ZNF436: variants seen among roughly 807,000 people sequenced by gnomAD.
ZNF436 encodes the protein zinc finger protein 436.
A neutral mutation model predicts 41.9 loss-of-function variants in ZNF436; 22 were observed. The observed-to-expected ratio is 0.53, with a 90% CI of 0.38 to 0.75. The LOEUF (loss-of-function observed/expected upper bound fraction) is 0.75, where lower values mean the gene tolerates loss of function less well. Ranked by LOEUF, ZNF436 falls within the 30% of genes least tolerant of loss-of-function variation. The pLI is 0.00. For missense variants in ZNF436, 506 were observed against 587.3 expected (o/e 0.86, Z 1.43); for synonymous variants, 217 against 197.8 (o/e 1.10, Z -0.82).
chr1:23,362,080 G>A lies in ZNF436; in HGVS notation c.1302C>T (p.Ile434=). ...GKGFTQSSNL[I]THQRVHTGEK... is the part of the protein sequence containing the mutation. Reference sequence around the variant, plus strand: ...CTCCCGTGTGAACTCTTTGATGTGTGATGAGGTTGGAGCTCTGGGTGAAAC... The same window carrying A: ...CTCCCGTGTGAACTCTTTGATGTGTAATGAGGTTGGAGCTCTGGGTGAAAC... The change falls in exon 4 of 4, where the codon ATC becomes ATT. Residue 434 remains isoleucine, a synonymous_variant. Transcript: ENST00000314011. 6.2e-7 allele frequency: 1 copy of A among 1,614,020 alleles called. No individual in the cohort carries two copies. The highest frequency in any genetic ancestry group is 8.5e-7 in the Non-Finnish European group (1 of 1,179,998).
Position 23,362,251 on chromosome 1 carries a change from G to C in ZNF436, c.1131C>G (p.Leu377=), listed in dbSNP as rs772303164. 1.2e-6 allele frequency: 2 copies of C among 1,613,886 alleles called. No homozygotes were observed. Among genetic ancestry groups the C allele is most frequent in the South Asian group, 2.2e-5 (2 of 91,064 alleles). ...CAGTGTGAATTTTCTGGTGTGTGAT[G>C]AGATGAGAGCTCCGGCTGAAGCTTT... is the stretch of plus-strand genomic sequence containing the variant. ...CGKSFSRSSH[L]ITHQKIHTGE... The change falls in exon 4 of 4, where the codon CTC becomes CTG. Residue 377 remains leucine, a synonymous_variant. Coordinates refer to ENST00000314011, the MANE Select transcript of ZNF436 (RefSeq NM_001077195.2).
Position 23,362,294 on chromosome 1 carries a change from T to C in ZNF436, c.1088A>G (p.Glu363Gly). Reference sequence around the variant, plus strand: ...GAAGCTTTTCCCACAAGCATTGCATTCATATGGCTTCTCTCCAGTGTGAGT... The same window carrying C: ...GAAGCTTTTCCCACAAGCATTGCATCCATATGGCTTCTCTCCAGTGTGAGT... The part of the protein sequence containing the change: ...QRTHTGEKPY[E>G]CNACGKSFSR... The change falls in exon 4 of 4, where the codon GAA (glutamate) becomes GGA (glycine). Residue 363 changes from glutamate (E) to glycine (G), a missense_variant. Glu to Gly is a moderately conservative substitution (Grantham distance 98, BLOSUM62 -2). Transcript: ENST00000314011. The C allele has an allele frequency of 2.5e-6, 4 of 1,614,040 alleles. No individual in the cohort carries two copies. The Admixed American group carries it at 6.7e-5, about 27-fold the overall frequency.
Position 23,362,130 on chromosome 1 carries a change from A to G in ZNF436, c.1252T>C (p.Tyr418His). Residue 418 changes from tyrosine to histidine, a missense_variant, in exon 4 of 4, where the codon TAC becomes CAC. By Grantham distance (83) the Tyr-to-His change is moderately conservative (BLOSUM62 2). Around this residue, in one of 2 missense-constraint regions of ZNF436, gnomAD observed 278 missense variants for 372.1 expected, o/e 0.75. Transcript: ENST00000314011. ...HQRTHTGEKP[Y>H]ECVQCGKGFT... Reference sequence around the variant, plus strand: ...CCTTTCCCACACTGCACACACTCGTAGGGCTTCTCCCCTGTGTGGGTTCTC... The same window carrying G: ...CCTTTCCCACACTGCACACACTCGTGGGGCTTCTCCCCTGTGTGGGTTCTC... 6.2e-7 allele frequency: 1 copy of G among 1,614,120 alleles called. No individual in the cohort carries two copies. The highest frequency in any genetic ancestry group is 8.5e-7 in the Non-Finnish European group (1 of 1,180,008).
At position 23,369,409 on chromosome 1, in the gene ZNF436, C is replaced by G. The variant is rs1239001738; in HGVS notation, c.-104G>C. 1 of 534,596 alleles carries G rather than the reference C, an allele frequency of 1.9e-6. No homozygotes were observed. The highest frequency in any genetic ancestry group is 1.9e-5 in the African/African-American group (1 of 51,980). 33.1% of individuals were successfully genotyped at this position (534,596 alleles called of 1,614,324 possible). On this transcript the variant is annotated 5_prime_UTR_variant, in exon 1 of 4. Transcript: ENST00000314011. ...TCCACTAGATCGTCGTCTCCAAAACCTGAGAGACCGCGAACGGGTTCCAGA... is the reference window on the plus strand; with the variant it reads ...TCCACTAGATCGTCGTCTCCAAAACGTGAGAGACCGCGAACGGGTTCCAGA...
chr1:23,369,806 T>C lies in ZNF436; in HGVS notation c.-501A>G. On this transcript the variant is annotated 5_prime_UTR_variant, in exon 1 of 4. Transcript: ENST00000314011. ...GCAGGCATTCTGCGTGGGGAAGAGC[T>C]CCCAGCTCGCTGTAGCCTTGGAGAG... 3.0e-6 allele frequency: 1 copy of C among 330,280 alleles called. No individual in the cohort carries two copies. The highest frequency in any genetic ancestry group is 6.4e-6 in the Non-Finnish European group (1 of 155,610). 20.5% of individuals were successfully genotyped at this position (330,280 alleles called of 1,614,324 possible).
At chr1:23,365,489 G>A (rs1290663163) in intron 3 of ZNF436, among the ~76,000 whole-genome samples, 1 of 151,872 alleles carries the variant, frequency 6.6e-6, no homozygotes, top group East Asian at 1.9e-4. Context: ...CGAGGTGGGC[G>A]GATCACTTGA....
chr1:23,359,753 C>G lies in ZNF436; in HGVS notation c.*2216G>C, dbSNP rs13523. 6.6e-6 allele frequency: 1 copy of G among 152,540 alleles called. No individual in the cohort carries two copies. The highest frequency in any genetic ancestry group is 1.5e-5 in the Non-Finnish European group (1 of 68,056). The allele number at this position is 152,540 out of a possible 1,614,324, so 9.4% of individuals were successfully genotyped here. A position where few individuals can be genotyped will look rare whatever the true frequency, so the allele number is the denominator to read the frequency against. ...GAGACAGCTGGTGTGGCCCTTGTCC[C>G]TTAAGTTTCCCAGCTAGATTGTTCA... On this transcript the variant is annotated 3_prime_UTR_variant, in exon 4 of 4. Transcript: ENST00000314011.
In ZNF436 at chr1:23,362,217, G is replaced by T; in HGVS notation, c.1165C>A (p.Pro389Thr). Residue 389 changes from proline to threonine, a missense_variant, in exon 4 of 4, where the codon CCT becomes ACT. Physicochemically the swap from Pro to Thr is conservative, Grantham distance 38. Around this residue, in one of 2 missense-constraint regions of ZNF436, gnomAD observed 278 missense variants for 372.1 expected, o/e 0.75. Transcript: ENST00000314011. Reference protein sequence around the residue: ...THQKIHTGEKPYECNECWRSF... With the variant: ...THQKIHTGEKTYECNECWRSF... ...CGCCAACACTCATTACACTCATAAG[G>T]CTTCTCTCCAGTGTGAATTTTCTGG... The T allele has an allele frequency of 6.2e-7, 1 of 1,614,042 alleles. No individual in the cohort carries two copies. Among genetic ancestry groups the T allele is most frequent in the African/African-American group, 1.3e-5 (1 of 74,982 alleles).
chr1:23,367,273 T>C (rs962407579), intron 2 of ZNF436, 105 bp from the exon 3 acceptor site: 1 of 1,286,862 alleles, frequency 7.8e-7, no homozygotes, highest in African/African-American at 1.5e-5. Flanking sequence ...ATGTGACCTA[T>C]AGAGTCCAAA....
chr1:23,369,363 TA>T lies in ZNF436; in HGVS notation c.-61+2del, dbSNP rs1358776637. The stretch of plus-strand genomic sequence containing the variant: ...AACCCGAGTGGGGGACGAACAGACT[TA>T]CCTCCTGTCCCGCAAAAGATCCACT... On this transcript the variant is annotated splice_donor_variant, in intron 1 of 3. Coordinates refer to ENST00000314011, the MANE Select transcript of ZNF436 (RefSeq NM_001077195.2). LOFTEE classifies it low-confidence loss of function (5UTR_SPLICE). The T allele has an allele frequency of 1.9e-6, 1 of 534,210 alleles. No homozygotes were observed. The highest frequency in any genetic ancestry group is 3.8e-6 in the Non-Finnish European group (1 of 259,824). The allele number at this position is 534,210 out of a possible 1,614,324, so 33.1% of individuals were successfully genotyped here.
Position 23,363,094 on chromosome 1 carries a change from A to G in ZNF436, c.288T>C (p.Phe96=). The change falls in exon 4 of 4, where the codon TTT becomes TTC. Residue 96 remains phenylalanine (F), a synonymous_variant. Coordinates refer to ENST00000314011, the MANE Select transcript of ZNF436 (RefSeq NM_001077195.2). The part of the protein sequence containing the change: ...AEENPESEEG[F]ESGDRSERQW... ...GTCTTTCTGACCTATCTCCGCTTTC[A>G]AAGCCCTCTTCACTTTCAGGATTTT... The G allele has an allele frequency of 6.2e-7, 1 of 1,614,166 alleles. No individual in the cohort carries two copies. Among genetic ancestry groups the G allele is most frequent in the Non-Finnish European group, 8.5e-7 (1 of 1,180,038 alleles).
chr1:23,364,031 G>C (rs1316826753), intron 3 of ZNF436, among the ~76,000 whole-genome samples: 1 of 147,624 alleles, frequency 6.8e-6, no homozygotes, highest in Non-Finnish European at 1.5e-5. Context: ...GACAGAACGA[G>C]ACCCTGTCTC....
At chr1:23,369,221 C>T (rs372237533) in intron 1 of ZNF436, 145 bp downstream of exon 1, 1 of 432,010 alleles carries the variant, frequency 2.3e-6, no homozygotes, top group East Asian at 5.8e-5. Context: ...GGCTTGTCTG[C>T]TACAGGGGCT....
Position 23,369,533 on chromosome 1 carries a change from A to G in ZNF436, c.-228T>C, listed in dbSNP as rs1299597299. ...CCGCAGGTAGATCTCGAATTCGTAGACTTGCAGGCGAAGCCCAGATATCGT... is the reference window on the plus strand; with the variant it reads ...CCGCAGGTAGATCTCGAATTCGTAGGCTTGCAGGCGAAGCCCAGATATCGT... On this transcript the variant is annotated 5_prime_UTR_variant, in exon 1 of 4. Coordinates refer to ENST00000314011, the MANE Select transcript of ZNF436 (RefSeq NM_001077195.2). 1 of 532,588 alleles carries G rather than the reference A, an allele frequency of 1.9e-6. No homozygotes were observed. Among genetic ancestry groups the G allele is most frequent in the Admixed American group, 1.9e-5 (1 of 51,504 alleles). The allele number at this position is 532,588 out of a possible 1,614,324, so 33.0% of individuals were successfully genotyped here.
Position 23,369,453 on chromosome 1 carries a change from A to T in ZNF436, c.-148T>A. 1.9e-6 allele frequency: 1 copy of T among 534,208 alleles called. No individual in the cohort carries two copies. The highest frequency in any genetic ancestry group is 1.4e-5 in the South Asian group (1 of 71,580). 33.1% of individuals were successfully genotyped at this position (534,208 alleles called of 1,614,324 possible). On this transcript the variant is annotated 5_prime_UTR_variant, in exon 1 of 4. Transcript: ENST00000314011. ...TTCCAGAGCCGCAGCGTTCTCTCAGACCTGGCGTTCAGGAAGATTCTAGAG... is the reference window on the plus strand; with the variant it reads ...TTCCAGAGCCGCAGCGTTCTCTCAGTCCTGGCGTTCAGGAAGATTCTAGAG...
At position 23,366,724 on chromosome 1, in the gene ZNF436, C is replaced by T. The variant is rs565902555; in HGVS notation, c.160+318G>A. 4.6e-5 allele frequency among the ~76,000 whole-genome samples: 7 copies of T among 152,294 alleles called. No individual in the cohort carries two copies. In the South Asian group the frequency reaches 1.0e-3, roughly 23 times the overall value. On this transcript the variant is annotated intron_variant, in intron 3 of 3. Coordinates refer to ENST00000314011, the MANE Select transcript of ZNF436 (RefSeq NM_001077195.2). ...CACCCTAGAGTAAAAGCACTAGTTA[C>T]GGGGCATTTATATTCTGGCAAGCAC...
rs1413808141 is a variant in ZNF436, at chr1:23,361,459, C to T, written c.*510G>A. 1 of 153,076 alleles carries T rather than the reference C, an allele frequency of 6.5e-6. No homozygotes were observed. The highest frequency in any genetic ancestry group is 2.4e-5 in the African/African-American group (1 of 41,432). The allele number at this position is 153,076 out of a possible 1,614,324, so 9.5% of individuals were successfully genotyped here. On this transcript the variant is annotated 3_prime_UTR_variant, in exon 4 of 4. Transcript: ENST00000314011. ...TGCCCTCAGGAAGATGGAAAAGATACAAATGCATGAGCAACTCAAGGAAAA... is the reference window on the plus strand; with the variant it reads ...TGCCCTCAGGAAGATGGAAAAGATATAAATGCATGAGCAACTCAAGGAAAA...
Position 23,361,967 on chromosome 1 carries a change from G to A in ZNF436, c.*2C>T. On this transcript the variant is annotated 3_prime_UTR_variant, in exon 4 of 4. Transcript: ENST00000314011. ...TCATTTCTCAGCCATCATAATTACA[G>A]CTTAGTCCGTATGAACTCTCTTATG... 2 of 1,577,624 alleles carry A rather than the reference G, an allele frequency of 1.3e-6. No individual in the cohort carries two copies. Among genetic ancestry groups the A allele is most frequent in the East Asian group, 2.2e-5 (1 of 44,484 alleles).
At position 23,369,557 on chromosome 1, in the gene ZNF436, G is replaced by A. The variant is rs1341135974; in HGVS notation, c.-252C>T. 1.9e-6 allele frequency: 1 copy of A among 533,768 alleles called. No homozygotes were observed. Among genetic ancestry groups the A allele is most frequent in the South Asian group, 1.4e-5 (1 of 71,588 alleles). 33.1% of individuals were successfully genotyped at this position (533,768 alleles called of 1,614,324 possible). On this transcript the variant is annotated 5_prime_UTR_variant, in exon 1 of 4. In the 5' UTR this introduces an upstream ATG that the reference lacks. Coordinates refer to ENST00000314011, the MANE Select transcript of ZNF436 (RefSeq NM_001077195.2). ...GACTTGCAGGCGAAGCCCAGATATCGTAGGCTGATCCTAAAGACTCAGATT... is the reference window on the plus strand; with the variant it reads ...GACTTGCAGGCGAAGCCCAGATATCATAGGCTGATCCTAAAGACTCAGATT...
Sources: gnomAD v4.1 joint callset for allele counts (sites outside exome capture counted in the v4.1 genomes callset) on GRCh38, gnomAD v4.1.1 for gene constraint, gnomAD v4.1.1 regional missense constraint, MANE v1.5 for transcripts, NCBI Gene and HGNC (gene_info 2026-07-23, HGNC 2026-07-21) for gene names.